The following FAM149A variants were observed in gnomAD, a reference collection of about 807,000 sequenced individuals.
FAM149A encodes the protein family with sequence similarity 149 member A.
A neutral mutation model predicts 78.2 loss-of-function variants in FAM149A; 71 were observed. The observed-to-expected ratio is 0.91, with a 90% CI of 0.75 to 1.11. FAM149A has a LOEUF of 1.11. FAM149A is among the 50% of genes least tolerant of loss of function. The pLI, the probability that FAM149A is intolerant of heterozygous loss-of-function variation, is 0.00. For missense variants in FAM149A, 1,036 were observed against 971.0 expected, an observed-to-expected ratio of 1.07 and a Z score of -0.89; for synonymous variants, 446 against 410.5, an observed-to-expected ratio of 1.09 and a Z score of -1.04.
intron 1 of FAM149A, chr4:186,127,221 G>A (rs1420403347): frequency 4.1e-6 from 4 of 965,572 alleles, no homozygotes; most frequent in East Asian, 1.2e-4. Context: ...CAGCCAAGGA[G>A]GAACTATTTT....
chr4:186,141,477 A>C (rs2099325761), intron 1 of FAM149A, among the ~76,000 whole-genome samples: 1 of 152,206 alleles, frequency 6.6e-6, no homozygotes, highest in African/African-American at 2.4e-5. Flanking sequence ...TTATATTTCT[A>C]CTGGGCAGTG....
rs891275606 is a variant in FAM149A, at chr4:186,144,155, CCTT to C, written c.567-5013_567-5011del. Reference sequence around the variant, plus strand: ...TGTAGTTCACCTCCGCGACCTCACCCCTTCTTCCCTTAGCATGTGAAAATGACG... The same window carrying C: ...TGTAGTTCACCTCCGCGACCTCACCCCTTCCCTTAGCATGTGAAAATGACG... On this transcript the variant is annotated intron_variant, in intron 1 of 13. Transcript: ENST00000389354. The surrounding 1 kb of genome is among the most constrained non-coding windows in gnomAD (Gnocchi z 4.2). The C allele has an allele frequency of 1.3e-5, 2 of 152,246 alleles. No homozygotes were observed. The highest frequency in any genetic ancestry group is 4.8e-5 in the African/African-American group (2 of 41,456). 9.4% of individuals were successfully genotyped at this position (152,246 alleles called of 1,614,324 possible).
chr4:186,153,221 A>C, intron 4 of FAM149A: 1 of 972,890 alleles, frequency 1.0e-6, no homozygotes, highest in South Asian at 4.8e-5. Flanking sequence ...ATTGTCAGGT[A>C]CATAAGCCAA....
At chr4:186,128,865 TA>T (rs754814094) in intron 1 of FAM149A, among the ~76,000 whole-genome samples, 1 of 151,722 alleles carries the variant, frequency 6.6e-6, no homozygotes, top group Non-Finnish European at 1.5e-5. Context: ...TGCATCTGTA[TA>T]GGGGTGTGTG....
chr4:186,118,536 A>G (rs2099314675), intron 1 of FAM149A, among the ~76,000 whole-genome samples: 1 of 152,154 alleles, frequency 6.6e-6, no homozygotes, highest in Non-Finnish European at 1.5e-5. Context: ...AATAAATTGG[A>G]AAAATGATCT....
rs536692165 is a variant in FAM149A, at chr4:186,105,103, G to GTC, written c.33_34dup (p.Leu12SerfsTer193). ...TGAAGGCTGCTGTGCTGGACCTTGG[G>GTC]TCTCTCTTGGCCAAACTCTTCGAGA... On this transcript the variant is annotated frameshift_variant, in exon 1 of 14. Transcript: ENST00000389354. LOFTEE classifies it high-confidence loss of function. 3.1e-6 allele frequency: 4 copies of GTC among 1,281,056 alleles called. No homozygotes were observed. In the African/African-American group the frequency reaches 4.7e-5, roughly 15 times the overall value. 79.4% of individuals were successfully genotyped at this position (1,281,056 alleles called of 1,614,324 possible). A position where few individuals can be genotyped will look rare whatever the true frequency, so the allele number is the denominator to read the frequency against.
At chr4:186,115,374 T>C (rs1240487816) in intron 1 of FAM149A, among the ~76,000 whole-genome samples, 2 of 149,810 alleles carry the variant, frequency 1.3e-5, no homozygotes, top group Admixed American at 6.7e-5. Context: ...TTTGATCTTC[T>C]GAAGCCGCCT....
intron 1 of FAM149A, chr4:186,117,333 G>A: frequency 6.5e-6 from 4 of 619,748 alleles, no homozygotes; most frequent in Non-Finnish European, 8.1e-6. Flanking sequence ...TCCACATGGA[G>A]CTAGATTTTT....
intron 4 of FAM149A, 113 bp from the exon 5 acceptor site, chr4:186,153,532 A>T: frequency 6.7e-7 from 1 of 1,499,832 alleles, no homozygotes; most frequent in Non-Finnish European, 9.0e-7. Context: ...ACGTTCCCAT[A>T]CACATCTTAT....
Position 186,128,316 on chromosome 4 carries a change from T to G in FAM149A, c.567-20857T>G, listed in dbSNP as rs185857913. Among the ~76,000 whole-genome samples the G allele has an allele frequency of 4.6e-5, 7 of 152,178 alleles. No individual in the cohort carries two copies. The South Asian group carries it at 1.5e-3, about 32-fold the overall frequency. The stretch of plus-strand genomic sequence containing the variant: ...TATTCTGTTTTTTAATGCAAGTCAT[T>G]GATAAAATTAGTCCTACATTTTTGT... On this transcript the variant is annotated intron_variant, in intron 1 of 13. Transcript: ENST00000389354.
At chr4:186,122,777 TA>T in intron 1 of FAM149A, 1 of 581,940 alleles carries the variant, frequency 1.7e-6, no homozygotes, top group Non-Finnish European at 2.2e-6. Context: ...ATAAATAATG[TA>T]AATATTTAGA....
chr4:186,123,676 C>G (rs1281825743), intron 1 of FAM149A: 4 of 262,464 alleles, frequency 1.5e-5, no homozygotes, highest in South Asian at 2.8e-4. Flanking sequence ...AATTCTGATA[C>G]TGTGGCTGCT....
intron 8 of FAM149A, chr4:186,158,055 G>C (rs559154494): frequency 1.4e-6 from 2 of 1,380,084 alleles, no homozygotes; most frequent in African/African-American, 2.9e-5. Flanking sequence ...TAAATCTGAA[G>C]GGACCTGGGA....
At chr4:186,124,413 TC>T (rs1287949411) in intron 1 of FAM149A, among the ~76,000 whole-genome samples, 5 of 138,150 alleles carry the variant, frequency 3.6e-5, no homozygotes, top group East Asian at 2.4e-4. Context: ...CCCTCCCCGC[TC>T]CCCCCCACCC....
chr4:186,149,488 G>A, intron 2 of FAM149A, 78 bp from the exon 3 acceptor site: 1 of 1,242,428 alleles, frequency 8.0e-7, no homozygotes, highest in African/African-American at 1.6e-5. Flanking sequence ...GAGGAAGCAG[G>A]CTCAGAAAAG....
intron 1 of FAM149A, among the ~76,000 whole-genome samples, chr4:186,126,570 C>T (rs2099318410): frequency 6.6e-6 from 1 of 152,142 alleles, no homozygotes; most frequent in Admixed American, 6.5e-5. Flanking sequence ...CTCTTCTGCC[C>T]TCAGACATTG....
rs1475856341 is a variant in FAM149A at position 186,110,916 on chromosome 4, G to T, written c.566+5274G>T. On this transcript the variant is annotated intron_variant, in intron 1 of 13. Transcript: ENST00000389354. ...GTCCTTTGGGTATATACCCAGTAAT[G>T]GGATGGCTGGGTCAAATGGTATTTC... Among the ~76,000 whole-genome samples the T allele has an allele frequency of 4.5e-3, 651 of 143,330 alleles. 8 individuals are homozygous for T. The highest frequency in any genetic ancestry group is 0.016 in the African/African-American group (614 of 38,050). 94.0% of individuals were successfully genotyped at this position (143,330 alleles called of 152,430 possible).
chr4:186,151,821 G>A, intron 3 of FAM149A, 82 bp from the exon 4 acceptor site: 1 of 1,545,982 alleles, frequency 6.5e-7, no homozygotes, highest in Non-Finnish European at 8.8e-7. Context: ...GTGGGTGACA[G>A]TAAATGTATA....
chr4:186,160,760 ACACACCACAT>A, intron 8 of FAM149A: 6 of 962,862 alleles, frequency 6.2e-6, no homozygotes, highest in Non-Finnish European at 7.3e-6. Flanking sequence ...CACACCACAC[ACACACCACAT>A]CACACCACAC....
Sources: gnomAD v4.1 joint callset for allele counts (sites outside exome capture counted in the v4.1 genomes callset) on GRCh38, gnomAD v4.1.1 for gene constraint, Gnocchi (gnomAD v3.1) non-coding constraint, MANE v1.5 for transcripts, NCBI Gene and HGNC (gene_info 2026-07-23, HGNC 2026-07-21) for gene names.